The following LMNTD2 variants were observed in gnomAD, a reference collection of about 807,000 sequenced individuals.
LMNTD2 encodes lamin tail domain-containing protein 2.
Under a neutral mutation model 70.1 loss-of-function variants are expected in LMNTD2, and 83 were observed. The ratio of observed to expected loss-of-function variants is 1.18; its 90% confidence interval spans 0.99 to 1.42. LMNTD2 has a LOEUF of 1.42. LMNTD2 is among the 40% of genes most tolerant of loss of function. The probability of loss-of-function intolerance (pLI) is 0.00; values close to 1 mark genes in which losing one functional copy is unlikely to be tolerated. For missense variants in LMNTD2, 1,153 were observed against 905.9 expected (o/e 1.27, Z -3.50); for synonymous variants, 534 against 406.1 (o/e 1.31, Z -3.79).
Position 558,679 on chromosome 11 carries a change from G to C in LMNTD2, c.246C>G (p.Ile82Met). 6.2e-7 allele frequency: 1 copy of C among 1,605,514 alleles called. No individual in the cohort carries two copies. Among genetic ancestry groups the C allele is most frequent in the African/African-American group, 1.3e-5 (1 of 74,928 alleles). ...AGAGCCGGGCGTCCTCGCCATTCTG[G>C]ATGGCCCACCGCAAGGCCTGGATCT... The part of the protein sequence containing the change: ...ELEIQALRWA[I>M]QNGEDARLCH... Residue 82 changes from isoleucine to methionine, a missense_variant, in exon 3 of 14, where the codon ATC becomes ATG. Transcript: ENST00000329451.
chr11:556,181 C>A lies in LMNTD2; in HGVS notation c.1257+11G>T. Reference sequence around the variant, plus strand: ...GGGCCGTCGGGGCCGGGCTCCCGGGCCGGGGCGCACCGTGACGTGGTGCCG... The same window carrying A: ...GGGCCGTCGGGGCCGGGCTCCCGGGACGGGGCGCACCGTGACGTGGTGCCG... On this transcript the variant is annotated intron_variant, in intron 10 of 13. Transcript: ENST00000329451. 7.4e-7 allele frequency: 1 copy of A among 1,353,924 alleles called. No homozygotes were observed. Among genetic ancestry groups the A allele is most frequent in the South Asian group, 1.9e-5 (1 of 54,006 alleles). The allele number at this position is 1,353,924 out of a possible 1,614,324, so 83.9% of individuals were successfully genotyped here.
Position 558,165 on chromosome 11 carries a change from T to A in LMNTD2, c.395A>T (p.Gln132Leu), listed in dbSNP as rs79820513. The change falls in exon 4 of 14, where the codon CAG becomes CTG. Residue 132 changes from glutamine (Q) to leucine (L), a missense_variant. Physicochemically the swap from Gln to Leu is moderately radical, Grantham distance 113 (BLOSUM62 -2). Coordinates refer to ENST00000329451, the MANE Select transcript of LMNTD2 (RefSeq NM_173573.3). ...QELKEQKERAQWEKEHLEERL... is the reference protein window; with the variant it reads ...QELKEQKERALWEKEHLEERL... ...CTCCCTGTGCCCCTGCCTCACCCAC[T>A]GGGCTCGCTCCTTCTGTTCCTTCAA... 12 of 1,613,346 alleles carry A rather than the reference T, an allele frequency of 7.4e-6. No individual in the cohort carries two copies. The highest frequency in any genetic ancestry group is 1.7e-5 in the Admixed American group (1 of 60,002).
At chr11:557,262 A>G in intron 7 of LMNTD2, 137 bp downstream of exon 7, 1 of 1,359,024 alleles carries the variant, frequency 7.4e-7, no homozygotes, top group Non-Finnish European at 1.0e-6. Flanking sequence ...CGCATTCTAC[A>G]GATCAGAGAA....
At position 557,024 on chromosome 11, in the gene LMNTD2, T is replaced by C. The variant is rs1484523711; in HGVS notation, c.787A>G (p.Lys263Glu). ...GGCAGGGAGCCCCACTCCACGGTCT[T>C]GTGATGCCGCTCGGAATGCTTTCCA... Reference protein sequence around the residue: ...SSGKHSERHHKTVEWGSLPCL... With the variant: ...SSGKHSERHHETVEWGSLPCL... Residue 263 changes from lysine to glutamate, a missense_variant, in exon 8 of 14, where the codon AAG becomes GAG. Coordinates refer to ENST00000329451, the MANE Select transcript of LMNTD2 (RefSeq NM_173573.3). The C allele has an allele frequency of 1.2e-6, 2 of 1,609,746 alleles. No homozygotes were observed. The highest frequency in any genetic ancestry group is 1.7e-6 in the Non-Finnish European group (2 of 1,179,160).
chr11:559,294 C>T (rs1435689884), intron 1 of LMNTD2: 10 of 1,448,724 alleles, frequency 6.9e-6, no homozygotes, highest in South Asian at 3.6e-5. Flanking sequence ...GATGTGGTGT[C>T]CCTCTTTCTC....
intron 13 of LMNTD2, 73 bp from the exon 14 acceptor site, chr11:555,184 G>A: frequency 2.2e-6 from 1 of 451,616 alleles, no homozygotes. Context: ...GAGGAGAGGG[G>A]AGGGGCGGGG....
intron 3 of LMNTD2, 175 bp downstream of exon 3, chr11:558,439 G>A (rs1054053678): frequency 4.0e-5 from 42 of 1,057,112 alleles, no homozygotes; most frequent in African/African-American, 6.4e-5. Flanking sequence ...ATCCACATGC[G>A]CAGGGTTAGG....
At chr11:558,580 G>A (rs528940870) in intron 3 of LMNTD2, 34 bp downstream of exon 3, 28 of 1,580,652 alleles carry the variant, frequency 1.8e-5, no homozygotes, top group South Asian at 1.4e-4. Flanking sequence ...AGGACAGGGC[G>A]GGGTTGGGTT....
At chr11:557,813 G>T in intron 5 of LMNTD2, 71 bp downstream of exon 5, 1 of 1,511,932 alleles carries the variant, frequency 6.6e-7, no homozygotes, top group Non-Finnish European at 8.9e-7. Context: ...CGCCCCAGCA[G>T]AGGCACCCGA....
Position 558,622 on chromosome 11 carries a change from C to G in LMNTD2, c.303G>C (p.Pro101=). ...CHILEEVAGL[P]PKRSSHSQEK... ...GGGACTGTGCTGCAGACCTCTTGGG[C>G]GGAAGCCCCGCCACCTCTTCCAGGA... Residue 101 remains proline (P), a synonymous_variant, in exon 3 of 14, where the codon CCG becomes CCC. Transcript: ENST00000329451. 6.2e-7 allele frequency: 1 copy of G among 1,604,976 alleles called. No individual in the cohort carries two copies.
chr11:559,130 G>A, intron 1 of LMNTD2, 151 bp from the exon 2 acceptor site: 1 of 1,475,858 alleles, frequency 6.8e-7, no homozygotes, highest in Non-Finnish European at 9.0e-7. Flanking sequence ...AGCAGCCCAG[G>A]CGTCACCACT....
intron 8 of LMNTD2, 45 bp from the exon 9 acceptor site, chr11:556,633 C>T (rs538569698): frequency 1.4e-6 from 2 of 1,452,148 alleles, no homozygotes; most frequent in African/African-American, 2.8e-5. Flanking sequence ...CGAATGGAGT[C>T]CCCACCGGAT....
chr11:555,772 G>C lies in LMNTD2; in HGVS notation c.1536C>G (p.Gly512=). Residue 512 remains glycine (G), a synonymous_variant, in exon 12 of 14, where the codon GGC becomes GGG. Coordinates refer to ENST00000329451, the MANE Select transcript of LMNTD2 (RefSeq NM_173573.3). The part of the protein sequence containing the change: ...PPRPPRPLRK[G]RVREPRVSRR... ...GACTGACCCGGGGCTCCCGCACCCG[G>C]CCTTTGCGCAGGGGTCGAGGTGGGC... The C allele has an allele frequency of 2.0e-6, 3 of 1,471,548 alleles. No homozygotes were observed. The highest frequency in any genetic ancestry group is 1.8e-6 in the Non-Finnish European group (2 of 1,124,850). 91.2% of individuals were successfully genotyped at this position (1,471,548 alleles called of 1,614,324 possible).
At chr11:560,601 C>CCAGA in intron 1 of LMNTD2, 82 bp downstream of exon 1, 1 of 1,309,454 alleles carries the variant, frequency 7.6e-7, no homozygotes, top group Non-Finnish European at 9.8e-7. Flanking sequence ...GGATCTCAAG[C>CCAGA]CAGAGACCCT....
intron 3 of LMNTD2, 58 bp from the exon 4 acceptor site, chr11:558,306 C>T (rs1853031448): frequency 1.9e-6 from 3 of 1,570,622 alleles, no homozygotes; most frequent in Non-Finnish European, 2.6e-6. Context: ...TTCCTAATGT[C>T]AGGTCAGTGG....
chr11:558,152 C>G lies in LMNTD2; in HGVS notation c.399+9G>C, dbSNP rs377247680. 3.2e-4 allele frequency: 511 copies of G among 1,612,916 alleles called. No individual in the cohort carries two copies. The highest frequency in any genetic ancestry group is 4.2e-4 in the Non-Finnish European group (497 of 1,179,772). On this transcript the variant is annotated intron_variant, in intron 4 of 13. Coordinates refer to ENST00000329451, the MANE Select transcript of LMNTD2 (RefSeq NM_173573.3). ...AGGACCCTGCCCACTCCCTGTGCCCCTGCCTCACCCACTGGGCTCGCTCCT... is the reference window on the plus strand; with the variant it reads ...AGGACCCTGCCCACTCCCTGTGCCCGTGCCTCACCCACTGGGCTCGCTCCT...
At chr11:555,260 AAC>A in intron 13 of LMNTD2, 43 bp downstream of exon 13, 1 of 1,289,920 alleles carries the variant, frequency 7.8e-7, no homozygotes, top group Non-Finnish European at 9.8e-7. Context: ...AGAGGAGGAG[AAC>A]GAGGAGGGAG....
At chr11:557,158 C>T (rs1368568138) in intron 7 of LMNTD2, 61 bp from the exon 8 acceptor site, 2 of 1,505,770 alleles carry the variant, frequency 1.3e-6, no homozygotes, top group East Asian at 2.4e-5. Context: ...TGCCCCCGTC[C>T]AGCCTCACAA....
intron 7 of LMNTD2, 37 bp from the exon 8 acceptor site, chr11:557,134 C>A: frequency 6.5e-7 from 1 of 1,542,562 alleles, no homozygotes; most frequent in Non-Finnish European, 8.8e-7. Context: ...CACTCCAGCT[C>A]CAGACCCCAG....
Sources: gnomAD v4.1 joint callset for allele counts on GRCh38, gnomAD v4.1.1 for gene constraint, MANE v1.5 for transcripts, NCBI Gene and HGNC (gene_info 2026-07-23, HGNC 2026-07-21) for gene names.